Variants in ZNF670 observed in about 807,000 individuals in gnomAD.
The protein encoded by ZNF670 is zinc finger protein 670.
Under a neutral mutation model 10.9 loss-of-function variants are expected in ZNF670, and 7 were observed. The ratio of observed to expected loss-of-function variants is 0.64; its 90% CI spans 0.36 to 1.20. The LOEUF is 1.20. ZNF670 is among the 50% of genes most tolerant of loss of function. The pLI is 0.02. For missense variants in ZNF670, 446 were observed against 458.6 expected, an observed-to-expected ratio of 0.97 and a Z score of 0.25; for synonymous variants, 136 against 152.7, an observed-to-expected ratio of 0.89 and a Z score of 0.81.
At chr1:247,076,254 T>C (rs61852641) in intron 1 of ZNF670, among the ~76,000 whole-genome samples, 9,489 of 150,664 alleles carry the variant, frequency 0.063, 417 homozygotes, top group South Asian at 0.19. Context: ...CACTGTGTGC[T>C]TGAATTTTTT....
intron 1 of ZNF670, among the ~76,000 whole-genome samples, chr1:247,042,064 TA>T (rs1259515272): frequency 1.5e-4 from 23 of 152,236 alleles, no homozygotes; most frequent in Non-Finnish European, 2.6e-4. Context: ...CTATTGTTAC[TA>T]AAACTCTTGA....
intron 1 of ZNF670, among the ~76,000 whole-genome samples, chr1:247,062,896 T>G (rs1329130274): frequency 7.6e-6 from 1 of 132,210 alleles, no homozygotes; most frequent in East Asian, 1.9e-4. Context: ...CACTCCAAGA[T>G]AAGGCCACTG....
At chr1:247,047,161 G>A (rs1670470479) in intron 1 of ZNF670, among the ~76,000 whole-genome samples, 2 of 152,322 alleles carry the variant, frequency 1.3e-5, no homozygotes, top group South Asian at 4.1e-4. Flanking sequence ...GCTGTCAGTG[G>A]ATCTACCATT....
At chr1:247,077,941 T>C (rs1352323795) in intron 1 of ZNF670, among the ~76,000 whole-genome samples, 1 of 152,236 alleles carries the variant, frequency 6.6e-6, no homozygotes, top group Non-Finnish European at 1.5e-5. Flanking sequence ...TAACTCATGC[T>C]TGTCTTGTAA....
intron 1 of ZNF670, among the ~76,000 whole-genome samples, chr1:247,067,132 T>C (rs544920184): frequency 2.0e-5 from 3 of 152,102 alleles, no homozygotes; most frequent in Non-Finnish European, 4.4e-5. Flanking sequence ...ATAAACTTCC[T>C]AAATTGATTA....
chr1:247,074,101 CCTT>C (rs1367124083), intron 1 of ZNF670, among the ~76,000 whole-genome samples: 2 of 152,156 alleles, frequency 1.3e-5, no homozygotes, highest in East Asian at 1.9e-4. Flanking sequence ...AAAACAAACA[CCTT>C]CTCATTATGA....
At chr1:247,052,808 ATAAG>A (rs1296653811) in intron 1 of ZNF670, among the ~76,000 whole-genome samples, 1 of 152,166 alleles carries the variant, frequency 6.6e-6, no homozygotes, top group Non-Finnish European at 1.5e-5. Context: ...AGTCACCTGA[ATAAG>A]TATTCAGGTT....
In ZNF670 at chr1:247,042,187, G is replaced by A. The variant is rs774544517; in HGVS notation, c.4-2650C>T. On this transcript the variant is annotated intron_variant, in intron 1 of 3. Coordinates refer to ENST00000366503, the MANE Select transcript of ZNF670 (RefSeq NM_033213.5). ...TTTGCCTTATAACGTGATCTGAGTC[G>A]TGATTTACAGATTTCACAGAAATAA... is the stretch of plus-strand genomic sequence containing the variant. Among the ~76,000 whole-genome samples the A allele has an allele frequency of 9.9e-5, 15 of 152,144 alleles. 1 individual carries two copies. The South Asian group carries it at 1.4e-3, about 15-fold the overall frequency.
intron 1 of ZNF670, among the ~76,000 whole-genome samples, chr1:247,053,767 G>C (rs988419879): frequency 2.0e-5 from 3 of 152,188 alleles, no homozygotes; most frequent in African/African-American, 7.2e-5. Context: ...AAAAAACCTA[G>C]TAACAGGAGA....
At chr1:247,065,698 T>C (rs933670284) in intron 1 of ZNF670, among the ~76,000 whole-genome samples, 5 of 152,166 alleles carry the variant, frequency 3.3e-5, no homozygotes, top group African/African-American at 9.7e-5. Flanking sequence ...ACCTATTTCA[T>C]AGAAAATTAC....
chr1:247,058,332 T>A (rs977062424), intron 1 of ZNF670, among the ~76,000 whole-genome samples: 18 of 152,200 alleles, frequency 1.2e-4, no homozygotes, highest in African/African-American at 4.3e-4. Context: ...CAAAGGAAAT[T>A]AAATAAAATA....
Position 247,035,217 on chromosome 1 carries a change from C to T in ZNF670, c.*2232G>A, listed in dbSNP as rs1425455740. Among the ~76,000 whole-genome samples the T allele has an allele frequency of 6.6e-6, 1 of 152,114 alleles. No individual in the cohort carries two copies. The highest frequency in any genetic ancestry group is 2.4e-5 in the African/African-American group (1 of 41,410). ...ATTGTTTTCACAGTCTCATGGGTGA[C>T]AGGAAAAATTAGGACCCTAAGACTA... is the stretch of plus-strand genomic sequence containing the variant. On this transcript the variant is annotated 3_prime_UTR_variant, in exon 4 of 4. Coordinates refer to ENST00000366503, the MANE Select transcript of ZNF670 (RefSeq NM_033213.5).
chr1:247,072,105 C>T (rs1426019789), intron 1 of ZNF670, among the ~76,000 whole-genome samples: 1 of 151,720 alleles, frequency 6.6e-6, no homozygotes, highest in African/African-American at 2.4e-5. Flanking sequence ...GATCTGCCCG[C>T]CTTGGCTTCC....
chr1:247,037,659 A>C lies in ZNF670; in HGVS notation c.960T>G (p.Tyr320Ter). 3 of 1,614,044 alleles carry C rather than the reference A, an allele frequency of 1.9e-6. No homozygotes were observed. Among genetic ancestry groups the C allele is most frequent in the Non-Finnish European group, 2.5e-6 (3 of 1,179,970 alleles). The change falls in exon 4 of 4, where the codon TAT becomes TAG. Residue 320 changes from tyrosine (Y) to a stop codon, truncating the protein, a stop_gained. Coordinates refer to ENST00000366503, the MANE Select transcript of ZNF670 (RefSeq NM_033213.5). LOFTEE classifies it low-confidence loss of function (END_TRUNC). The part of the protein sequence containing the change: ...ECKQCGKAFK[Y>*]SSNLCEHERT... The stretch of plus-strand genomic sequence containing the variant: ...TTTCATGCTCACATAGGTTACTAGA[A>C]TATTTGAAGGCTTTACCACATTGTT...
chr1:247,076,619 T>C (rs1313109133), intron 1 of ZNF670, among the ~76,000 whole-genome samples: 2 of 151,840 alleles, frequency 1.3e-5, no homozygotes, highest in African/African-American at 4.8e-5. Context: ...CTCTTATACC[T>C]GGTGTTTTTC....
intron 1 of ZNF670, among the ~76,000 whole-genome samples, chr1:247,067,682 A>G (rs1391365152): frequency 1.3e-5 from 2 of 149,496 alleles, no homozygotes; most frequent in African/African-American, 5.0e-5. Flanking sequence ...CTCTACTAAA[A>G]ATACAAAAAA....
intron 1 of ZNF670, among the ~76,000 whole-genome samples, chr1:247,050,902 C>T (rs1199773720): frequency 5.3e-5 from 8 of 152,028 alleles, no homozygotes; most frequent in Admixed American, 5.2e-4. Flanking sequence ...TGCCTGAATA[C>T]CTTGGTTTTT....
Position 247,078,650 on chromosome 1 carries a change from G to A in ZNF670, c.-54C>T. The A allele has an allele frequency of 6.2e-7, 1 of 1,606,066 alleles. No homozygotes were observed. Among genetic ancestry groups the A allele is most frequent in the Non-Finnish European group, 8.5e-7 (1 of 1,174,854 alleles). ...CCTAAGGACCTTCCGGGACCTGCAG[G>A]TCCCAGAGCAACAGAAGCTGCCGCG... On this transcript the variant is annotated 5_prime_UTR_variant, in exon 1 of 4. Coordinates refer to ENST00000366503, the MANE Select transcript of ZNF670 (RefSeq NM_033213.5).
intron 1 of ZNF670, among the ~76,000 whole-genome samples, chr1:247,044,300 CT>C (rs1670388482): frequency 6.6e-6 from 1 of 151,966 alleles, no homozygotes; most frequent in Admixed American, 6.6e-5. Flanking sequence ...TTATTAGAGT[CT>C]TTAACAGATG....
Sources: allele counts gnomAD v4.1 joint callset (sites outside exome capture counted in the v4.1 genomes callset), GRCh38; gene constraint gnomAD v4.1.1; transcripts MANE v1.5; gene names NCBI Gene and HGNC (gene_info 2026-07-23, HGNC 2026-07-21).